Variants in ANKIB1 observed in about 807,000 individuals in gnomAD.
The protein encoded by ANKIB1 is ankyrin repeat and IBR domain containing 1, also known as ankyrin repeat and IBR domain-containing protein 1.
A neutral mutation model predicts 122.1 loss-of-function variants in ANKIB1; 43 were observed. The ratio of observed to expected loss-of-function variants is 0.35; its 90% CI spans 0.28 to 0.45. The LOEUF (loss-of-function observed/expected upper bound fraction) is 0.45. Ranked by LOEUF, ANKIB1 falls within the 20% of genes least tolerant of loss-of-function variation. The pLI, the probability that ANKIB1 is intolerant of heterozygous loss-of-function variation, is 1.00. For synonymous variants in ANKIB1, 390 were observed against 442.0 expected (o/e 0.88, Z 1.48); for missense variants, 992 against 1,329.5 (o/e 0.75, Z 3.95).
chr7:92,337,760 A>C (rs1803318901), intron 5 of ANKIB1, among the ~76,000 whole-genome samples: 1 of 152,214 alleles, frequency 6.6e-6, no homozygotes, highest in Non-Finnish European at 1.5e-5. Context: ...AAACCTGATT[A>C]TCTCAGTTGT....
intron 10 of ANKIB1, among the ~76,000 whole-genome samples, chr7:92,369,848 A>T (rs944378926): frequency 3.3e-5 from 5 of 152,218 alleles, no homozygotes; most frequent in African/African-American, 1.2e-4. Flanking sequence ...TGCAGGAAAA[A>T]AATTTTTAAT....
chr7:92,291,901 A>G (rs1802258903), intron 1 of ANKIB1, among the ~76,000 whole-genome samples: 1 of 152,036 alleles, frequency 6.6e-6, no homozygotes, highest in Non-Finnish European at 1.5e-5. Context: ...TCTTCTCATT[A>G]AATACTTATT....
intron 1 of ANKIB1, among the ~76,000 whole-genome samples, chr7:92,268,139 GT>G (rs1801712811): frequency 6.6e-6 from 1 of 152,156 alleles, no homozygotes; most frequent in Admixed American, 6.5e-5. Context: ...GAAGGAAAGG[GT>G]TTCTTTGCAC....
intron 1 of ANKIB1, among the ~76,000 whole-genome samples, chr7:92,261,543 TG>T (rs1340115073): frequency 3.3e-5 from 5 of 152,344 alleles, no homozygotes; most frequent in Middle Eastern, 3.4e-3. Flanking sequence ...GTATGCATTT[TG>T]CTTTTAGATG....
At chr7:92,339,634 A>G (rs575807329) in intron 5 of ANKIB1, among the ~76,000 whole-genome samples, 2 of 152,362 alleles carry the variant, frequency 1.3e-5, no homozygotes, top group African/African-American at 4.8e-5. Flanking sequence ...ATCGATTGCA[A>G]TATAGGTACA....
chr7:92,256,118 A>C (rs1801439309), intron 1 of ANKIB1, among the ~76,000 whole-genome samples: 1 of 152,234 alleles, frequency 6.6e-6, no homozygotes, highest in Non-Finnish European at 1.5e-5. Context: ...TTAAGCTGAT[A>C]CTTGAATGAG....
intron 1 of ANKIB1, among the ~76,000 whole-genome samples, chr7:92,249,072 G>A (rs1184737505): frequency 6.6e-6 from 1 of 151,914 alleles, no homozygotes; most frequent in Non-Finnish European, 1.5e-5. Context: ...ATTTTTAGTA[G>A]AGACGAGGTT....
At chr7:92,386,447 A>G (rs1804652797) in intron 11 of ANKIB1, 62 bp from the exon 12 acceptor site, 1 of 1,471,028 alleles carries the variant, frequency 6.8e-7, no homozygotes, top group Non-Finnish European at 9.0e-7. Flanking sequence ...GTTGGCTATA[A>G]AGCAGAAAAT....
At chr7:92,385,788 A>G (rs1327263275) in intron 11 of ANKIB1, among the ~76,000 whole-genome samples, 2 of 152,148 alleles carry the variant, frequency 1.3e-5, no homozygotes, top group Non-Finnish European at 2.9e-5. Flanking sequence ...GTAAATGACA[A>G]GTTAGTGGGT....
chr7:92,373,545 T>A (rs1804318912), intron 11 of ANKIB1, among the ~76,000 whole-genome samples: 1 of 152,176 alleles, frequency 6.6e-6, no homozygotes, highest in Non-Finnish European at 1.5e-5. Context: ...TATTATACCA[T>A]CTGAAGTGTT....
At chr7:92,285,044 T>G (rs1391689201) in intron 1 of ANKIB1, among the ~76,000 whole-genome samples, 1 of 152,180 alleles carries the variant, frequency 6.6e-6, no homozygotes, top group Non-Finnish European at 1.5e-5. Context: ...GTTTTATGGT[T>G]AAATCTTGGA....
At chr7:92,250,120 G>A (rs751128513) in intron 1 of ANKIB1, among the ~76,000 whole-genome samples, 1 of 152,178 alleles carries the variant, frequency 6.6e-6, no homozygotes, top group Non-Finnish European at 1.5e-5. Flanking sequence ...TTGGCTGGGT[G>A]CAGTGGCTCA....
intron 1 of ANKIB1, among the ~76,000 whole-genome samples, chr7:92,292,368 T>C (rs1802266869): frequency 6.6e-6 from 1 of 152,196 alleles, no homozygotes; most frequent in African/African-American, 2.4e-5. Context: ...ATTTAGAGTA[T>C]TATAGATTTT....
chr7:92,336,598 GTCTATATCCAGAA>G (rs1803293108), intron 5 of ANKIB1, among the ~76,000 whole-genome samples: 1 of 152,062 alleles, frequency 6.6e-6, no homozygotes, highest in Non-Finnish European at 1.5e-5. Flanking sequence ...GATTTGGAGA[GTCTATATCCAGAA>G]TCTGTGCTTC....
rs193258501 is a variant in ANKIB1, at chr7:92,323,091, G to A, written c.669+3579G>A. On this transcript the variant is annotated intron_variant, in intron 4 of 19. Transcript: ENST00000265742. ...TAATCATGATTATTACTTCGTAGTC[G>A]TCATTATTGCATTGTTTACACATTT... is the stretch of plus-strand genomic sequence containing the variant. Among the ~76,000 whole-genome samples the A allele has an allele frequency of 5.3e-5, 8 of 152,164 alleles. No individual in the cohort carries two copies. The East Asian group carries it at 5.8e-4, about 11-fold the overall frequency.
intron 12 of ANKIB1, among the ~76,000 whole-genome samples, chr7:92,387,224 C>A (rs1045850843): frequency 3.9e-5 from 6 of 152,218 alleles, no homozygotes; most frequent in Non-Finnish European, 8.8e-5. Flanking sequence ...CTTATTTAAC[C>A]TTTATCACCT....
chr7:92,361,554 T>C (rs900310590), intron 9 of ANKIB1, among the ~76,000 whole-genome samples: 3 of 152,176 alleles, frequency 2.0e-5, no homozygotes, highest in African/African-American at 7.2e-5. Context: ...ATTTAAAATA[T>C]TAATGAGGAT....
At chr7:92,390,213 A>G (rs769922542) in intron 15 of ANKIB1, 97 bp downstream of exon 15, 2 of 874,542 alleles carry the variant, frequency 2.3e-6, no homozygotes, top group Middle Eastern at 3.6e-4. Context: ...TGTGGACATG[A>G]TTACTAAAAC....
At chr7:92,305,115 CTG>C (rs1348392107) in intron 2 of ANKIB1, among the ~76,000 whole-genome samples, 1 of 152,172 alleles carries the variant, frequency 6.6e-6, no homozygotes, top group Non-Finnish European at 1.5e-5. Context: ...CAAAGTAACA[CTG>C]TATTGATTTT....
Sources: allele counts gnomAD v4.1 joint callset (sites outside exome capture counted in the v4.1 genomes callset), GRCh38; gene constraint gnomAD v4.1.1; transcripts MANE v1.5; gene names NCBI Gene and HGNC (gene_info 2026-07-23, HGNC 2026-07-21).